Variants in CEP152 observed in about 807,000 individuals in gnomAD.
CEP152 encodes the protein centrosomal protein 152, also known as centrosomal protein of 152 kDa.
CEP152 carries 132 observed loss-of-function variants against 188.9 expected under a neutral mutation model. The observed-to-expected ratio is 0.70, with a 90% CI of 0.61 to 0.81. The LOEUF is 0.81. Among genes scored for constraint, CEP152 ranks in the 30% least tolerant of loss-of-function variants. The probability of loss-of-function intolerance (pLI) is 0.00; values close to 1 mark genes in which losing one functional copy is unlikely to be tolerated. For missense variants in CEP152, 1,914 were observed against 1,969.8 expected (o/e 0.97, Z 0.54); for synonymous variants, 649 against 666.6 (o/e 0.97, Z 0.41).
intron 22 of CEP152, among the ~76,000 whole-genome samples, chr15:48,746,650 C>G (rs1401107794): frequency 1.3e-5 from 2 of 152,120 alleles, no homozygotes; most frequent in African/African-American, 4.8e-5. Context: ...TTACAGGTGG[C>G]TTCTTTTAGC....
chr15:48,745,154 G>C (rs909851328), intron 22 of CEP152, among the ~76,000 whole-genome samples, 162 bp from the exon 23 acceptor site: 4 of 151,832 alleles, frequency 2.6e-5, no homozygotes, highest in Non-Finnish European at 4.4e-5. Context: ...CCATTCCCTT[G>C]CTCTGTTTTC....
chr15:48,784,172 G>C (rs1312401500), intron 9 of CEP152, 52 bp from the exon 10 acceptor site: 4 of 1,534,600 alleles, frequency 2.6e-6, no homozygotes, highest in South Asian at 2.3e-5. Context: ...TTTTAATAAA[G>C]AGTAAACTAA....
chr15:48,765,698 G>A (rs1424594053), intron 17 of CEP152: 1 of 359,248 alleles, frequency 2.8e-6, no homozygotes, highest in Non-Finnish European at 5.1e-6. Flanking sequence ...CTGTCGCCCA[G>A]GCTGGAGTGC....
chr15:48,758,460 G>A (rs1894431251), intron 19 of CEP152, among the ~76,000 whole-genome samples: 1 of 152,098 alleles, frequency 6.6e-6, no homozygotes, highest in South Asian at 2.1e-4. Context: ...ACTCCCACCT[G>A]TAATCCCAGC....
chr15:48,766,789 T>C (rs548459556), intron 17 of CEP152, among the ~76,000 whole-genome samples: 1 of 147,156 alleles, frequency 6.8e-6, no homozygotes, highest in East Asian at 2.0e-4. Flanking sequence ...CACTGATCCT[T>C]TTTTTTTTTT....
chr15:48,760,320 A>G, intron 18 of CEP152, 54 bp from the exon 19 acceptor site: 2 of 1,598,654 alleles, frequency 1.3e-6, no homozygotes, highest in South Asian at 2.2e-5. Flanking sequence ...CTTAAAAAAG[A>G]TCCCATTTTT....
chr15:48,808,811 A>G (rs2140943889), intron 1 of CEP152, among the ~76,000 whole-genome samples: 1 of 152,330 alleles, frequency 6.6e-6, no homozygotes, highest in Non-Finnish European at 1.5e-5. Context: ...TTAATTTGTC[A>G]ATACTATGCC....
chr15:48,741,385 GA>G, intron 26 of CEP152: 3 of 1,389,118 alleles, frequency 2.2e-6, no homozygotes, highest in Non-Finnish European at 2.8e-6. Context: ...TCGAGGGATG[GA>G]AGCAGCAATA....
intron 12 of CEP152, among the ~76,000 whole-genome samples, chr15:48,779,547 C>T (rs543343261): frequency 2.6e-5 from 4 of 152,192 alleles, no homozygotes; most frequent in Admixed American, 6.5e-5. Context: ...TATGTTAGAA[C>T]GTGTTACATA....
chr15:48,730,001 C>A (rs1433456498), intron 2 of CEP152, among the ~76,000 whole-genome samples: 1 of 151,778 alleles, frequency 6.6e-6, no homozygotes, highest in Non-Finnish European at 1.5e-5. Flanking sequence ...ACCGGCCCCC[C>A]CCAAAAAAAA....
chr15:48,739,301 AG>A lies in CEP152; in HGVS notation c.4094-14del. On this transcript the variant is annotated splice_polypyrimidine_tract_variant and intron_variant, in intron 26 of 26. Transcript: ENST00000380950. ...GTTAGGGGCAGTGCTATTATGTGCA[AG>A]GAAACACGAAATTAAGAGAAAATTA... 1 of 1,593,806 alleles carries A rather than the reference AG, an allele frequency of 6.3e-7. No homozygotes were observed. Among genetic ancestry groups the A allele is most frequent in the Non-Finnish European group, 8.5e-7 (1 of 1,173,982 alleles).
chr15:48,738,444 A>C lies in CEP152; in HGVS notation c.4938T>G (p.Tyr1646Ter), dbSNP rs1216508214. 3.7e-6 allele frequency: 6 copies of C among 1,614,050 alleles called. No individual in the cohort carries two copies. The highest frequency in any genetic ancestry group is 5.1e-6 in the Non-Finnish European group (6 of 1,180,016). Residue 1646 changes from tyrosine (Y) to a stop codon, truncating the protein, a stop_gained, in exon 27 of 27, where the codon TAT becomes TAG. Coordinates refer to ENST00000380950, the MANE Select transcript of CEP152 (RefSeq NM_001194998.2). LOFTEE classifies it low-confidence loss of function (END_TRUNC). ...TCACACTGATCTTTCCTGGCTCCAA[A>C]TACGTGGTTTCTTCTGACAGGTATG... ...QTPYLSEETT[Y>*]LEPGKISVNC...
chr15:48,784,333 C>T (rs915439228), intron 9 of CEP152, among the ~76,000 whole-genome samples: 1 of 152,134 alleles, frequency 6.6e-6, no homozygotes, highest in African/African-American at 2.4e-5. Flanking sequence ...TGTAATTATG[C>T]TAATAAAGGT....
chr15:48,763,892 G>T (rs190673967), intron 17 of CEP152, among the ~76,000 whole-genome samples: 22 of 152,188 alleles, frequency 1.4e-4, no homozygotes, highest in African/African-American at 5.3e-4. Flanking sequence ...TGGCTTATTT[G>T]TTAGTTATAA....
intron 1 of CEP152, among the ~76,000 whole-genome samples, chr15:48,809,625 C>T (rs1470050132): frequency 2.6e-5 from 4 of 152,156 alleles, no homozygotes; most frequent in African/African-American, 7.2e-5. Context: ...ATCAGCAGTG[C>T]AATCTTGAGC....
rs376057160 is a variant in CEP152 at position 48,762,476 on chromosome 15, T to C, written c.2477A>G (p.Gln826Arg). Residue 826 changes from glutamine (Q) to arginine (R), a missense_variant, in exon 18 of 27, where the codon CAA becomes CGA. Gln to Arg is a conservative substitution (Grantham distance 43). Coordinates refer to ENST00000380950, the MANE Select transcript of CEP152 (RefSeq NM_001194998.2). ...QKCTIQQNLE[Q>R]EKDIAIKGAM... ...CCCCTTGATGGCTATGTCCTTCTCT[T>C]GTTCTAAGTTTTGCTGGATTGTGCA... The C allele has an allele frequency of 3.2e-5, 52 of 1,614,106 alleles. No individual in the cohort carries two copies. The highest frequency in any genetic ancestry group is 5.0e-5 in the Admixed American group (3 of 60,028).
chr15:48,809,036 TC>T (rs1309926238), intron 1 of CEP152, among the ~76,000 whole-genome samples: 1 of 152,210 alleles, frequency 6.6e-6, no homozygotes, highest in Admixed American at 6.5e-5. Context: ...GACCCAGCAT[TC>T]CTTTTGTTGT....
At chr15:48,748,054 T>C (rs1893587522) in intron 22 of CEP152, among the ~76,000 whole-genome samples, 1 of 152,116 alleles carries the variant, frequency 6.6e-6, no homozygotes, top group Non-Finnish European at 1.5e-5. Flanking sequence ...GCATTCAACG[T>C]TTAATTATTT....
chr15:48,788,206 A>G (rs1175634938), intron 9 of CEP152, among the ~76,000 whole-genome samples: 1 of 152,188 alleles, frequency 6.6e-6, no homozygotes, highest in East Asian at 1.9e-4. Context: ...ATACACAAAT[A>G]CCCTACAAAT....
Sources: allele counts gnomAD v4.1 joint callset (sites outside exome capture counted in the v4.1 genomes callset), GRCh38; gene constraint gnomAD v4.1.1; transcripts MANE v1.5; gene names NCBI Gene and HGNC (gene_info 2026-07-23, HGNC 2026-07-21).